Variants in RBFOX1 observed in about 807,000 individuals in gnomAD.
RBFOX1 encodes RNA binding fox-1 homolog 1, also known as RNA binding protein fox-1 homolog 1.
In RBFOX1, 8 loss-of-function variants were observed where a neutral mutation model predicts 57.7. The observed-to-expected ratio is 0.14, with a 90% confidence interval of 0.08 to 0.25. The LOEUF (loss-of-function observed/expected upper bound fraction) is 0.25, where lower values mean the gene tolerates loss of function less well. RBFOX1 is among the 10% of genes least tolerant of loss of function. The pLI, the probability that RBFOX1 is intolerant of heterozygous loss-of-function variation, is 1.00. For synonymous variants in RBFOX1, 326 were observed against 222.4 expected (o/e 1.47, Z -4.15); for missense variants, 611 against 548.5 (o/e 1.11, Z -1.14).
rs1266471189 is a variant in RBFOX1, at chr16:6,557,122, CATACAT to C, written c.-63-97471_-63-97466del. 2.9e-5 allele frequency among the ~76,000 whole-genome samples: 4 copies of C among 139,390 alleles called. No individual in the cohort carries two copies. In the Admixed American group the frequency reaches 2.9e-4, roughly 10 times the overall value. The allele number at this position is 139,390 out of a possible 152,430, so 91.4% of individuals were successfully genotyped here. On this transcript the variant is annotated intron_variant, in intron 2 of 15. Transcript: ENST00000550418. ...ATATACATACATATATACATATATA[CATACAT>C]ATACATATATACATATATACACACA... is the stretch of plus-strand genomic sequence containing the variant.
chr16:6,570,303 T>A (rs770978874), intron 2 of RBFOX1, among the ~76,000 whole-genome samples: 2 of 152,224 alleles, frequency 1.3e-5, no homozygotes, highest in Non-Finnish European at 2.9e-5. Context: ...GTTTTTGTGT[T>A]TTAACTCTCA....
chr16:6,241,843 G>A (rs1404944974), intron 1 of RBFOX1, among the ~76,000 whole-genome samples: 1 of 152,162 alleles, frequency 6.6e-6, no homozygotes, highest in Admixed American at 6.5e-5. Flanking sequence ...GCCCATGCAT[G>A]TAAACATGGT....
At chr16:7,465,361 C>T (rs554087582) in intron 4 of RBFOX1, among the ~76,000 whole-genome samples, 7 of 152,270 alleles carry the variant, frequency 4.6e-5, no homozygotes, top group African/African-American at 1.2e-4. Context: ...GCCATAAGGG[C>T]GGAGACCTTG....
At chr16:6,659,343 G>GCA (rs749135559) in intron 3 of RBFOX1, among the ~76,000 whole-genome samples, 368 of 152,154 alleles carry the variant, frequency 2.4e-3, no homozygotes, top group Non-Finnish European at 4.1e-3. Context: ...GAGTTTGAGT[G>GCA]GTTTTCCAAG....
chr16:6,983,858 C>G (rs2089596190), intron 3 of RBFOX1: 1 of 152,432 alleles, frequency 6.6e-6, no homozygotes, highest in South Asian at 2.1e-4. Flanking sequence ...TGCATGCAGC[C>G]AAGTGGAGAG....
intron 4 of RBFOX1, among the ~76,000 whole-genome samples, chr16:7,205,120 C>T (rs909663876): frequency 7.9e-5 from 12 of 152,208 alleles, no homozygotes; most frequent in African/African-American, 2.9e-4. Context: ...CTCCTCCCAC[C>T]TCCCTTCACT....
intron 2 of RBFOX1, among the ~76,000 whole-genome samples, chr16:6,522,816 G>A (rs1040067997): frequency 1.6e-4 from 25 of 152,116 alleles, no homozygotes; most frequent in African/African-American, 6.0e-4. Flanking sequence ...GCCTTGACCT[G>A]CAGGTTTTGT....
chr16:6,856,058 G>A (rs2057828281), intron 3 of RBFOX1, among the ~76,000 whole-genome samples: 1 of 151,668 alleles, frequency 6.6e-6, no homozygotes, highest in Admixed American at 6.6e-5. Flanking sequence ...GTCTCTCTGG[G>A]TTAATGGACC....
chr16:5,939,903 G>A (rs2059246389), intron 4 of RBFOX1, among the ~76,000 whole-genome samples: 1 of 152,224 alleles, frequency 6.6e-6, no homozygotes, highest in African/African-American at 2.4e-5. Flanking sequence ...AGGCTTCACA[G>A]TCAAGCAGAC....
intron 1 of RBFOX1, among the ~76,000 whole-genome samples, chr16:6,077,103 A>T (rs35652302): frequency 0.38 from 57,702 of 151,918 alleles, 12,083 homozygotes; most frequent in Non-Finnish European, 0.49. Flanking sequence ...TGTCCTTTAG[A>T]GGGAAACGTA....
chr16:5,591,164 A>G (rs1228164568), intron 2 of RBFOX1, among the ~76,000 whole-genome samples: 1 of 152,170 alleles, frequency 6.6e-6, no homozygotes. Context: ...TTTCCTCAAT[A>G]ATACATGCCC....
At position 7,711,313 on chromosome 16, in the gene RBFOX1, G is replaced by C. The variant is rs2083972193; in HGVS notation, c.*568G>C. 1 of 152,468 alleles carries C rather than the reference G, an allele frequency of 6.6e-6. No homozygotes were observed. The allele number at this position is 152,468 out of a possible 1,614,324, so 9.4% of individuals were successfully genotyped here. A position where few individuals can be genotyped will look rare whatever the true frequency, so the allele number is the denominator to read the frequency against. ...AATGGTTCTAAGTTACTCATTGCCA[G>C]TTCAAGCCAAAGGTCATGTTGTTAA... On this transcript the variant is annotated 3_prime_UTR_variant, in exon 16 of 16. Coordinates refer to ENST00000550418, the MANE Select transcript of RBFOX1 (RefSeq NM_018723.4).
chr16:7,546,446 C>A (rs530138135), intron 5 of RBFOX1, among the ~76,000 whole-genome samples: 1 of 152,154 alleles, frequency 6.6e-6, no homozygotes, highest in Non-Finnish European at 1.5e-5. Context: ...ACAACGCAAT[C>A]CCTTATGGTG....
chr16:6,622,504 T>A (rs1263087731), intron 2 of RBFOX1, among the ~76,000 whole-genome samples: 1 of 152,144 alleles, frequency 6.6e-6, no homozygotes. Flanking sequence ...CTACACCATC[T>A]AGGTTTGTAT....
intron 4 of RBFOX1, among the ~76,000 whole-genome samples, chr16:7,434,665 T>G (rs2098708180): frequency 6.6e-6 from 1 of 152,078 alleles, no homozygotes; most frequent in Admixed American, 6.6e-5. Flanking sequence ...ACTTTTACAT[T>G]TACAGAAAAG....
At chr16:5,647,046 T>C (rs561379072) in intron 3 of RBFOX1, among the ~76,000 whole-genome samples, 3 of 152,262 alleles carry the variant, frequency 2.0e-5, no homozygotes, top group African/African-American at 7.2e-5. Context: ...TGAAATACAC[T>C]ATAGGACCCT....
intron 2 of RBFOX1, among the ~76,000 whole-genome samples, chr16:6,414,682 C>T (rs993324971): frequency 7.2e-5 from 11 of 152,264 alleles, no homozygotes; most frequent in Non-Finnish European, 1.2e-4. Flanking sequence ...AGACTGTGTG[C>T]CAGTCATTGT....
chr16:7,170,716 T>A (rs1321482287), intron 4 of RBFOX1, among the ~76,000 whole-genome samples: 1 of 151,250 alleles, frequency 6.6e-6, no homozygotes, highest in Non-Finnish European at 1.5e-5. Flanking sequence ...TATCCTCACA[T>A]ACAGTGAAGT....
chr16:5,770,157 A>C (rs1004278103), intron 3 of RBFOX1, among the ~76,000 whole-genome samples: 1 of 152,198 alleles, frequency 6.6e-6, no homozygotes, highest in African/African-American at 2.4e-5. Flanking sequence ...GCTATGCTTA[A>C]GTGAGAACCT....
Sources: gnomAD v4.1 joint callset for allele counts (sites outside exome capture counted in the v4.1 genomes callset) on GRCh38, gnomAD v4.1.1 for gene constraint, MANE v1.5 for transcripts, NCBI Gene and HGNC (gene_info 2026-07-23, HGNC 2026-07-21) for gene names.